FARP1: variants seen among roughly 807,000 people sequenced by gnomAD.
FARP1 encodes the protein FERM, ARHGEF and pleckstrin domain-containing protein 1.
Under a neutral mutation model 128.8 loss-of-function variants are expected in FARP1, and 52 were observed. That is an observed-to-expected ratio of 0.40 (90% CI 0.32 to 0.51). The LOEUF is 0.51. Among genes scored for constraint, FARP1 ranks in the 20% least tolerant of loss-of-function variants. The probability of loss-of-function intolerance (pLI) is 0.45; values close to 1 mark genes in which losing one functional copy is unlikely to be tolerated. For missense variants in FARP1, 1,333 were observed against 1,367.9 expected, an observed-to-expected ratio of 0.97 and a Z score of 0.40; for synonymous variants, 580 against 551.8, an observed-to-expected ratio of 1.05 and a Z score of -0.72.
At chr13:98,186,724 G>T (rs1190931393) in intron 1 of FARP1, among the ~76,000 whole-genome samples, 1 of 151,876 alleles carries the variant, frequency 6.6e-6, no homozygotes, top group East Asian at 1.9e-4. Context: ...GGGCGTGGTG[G>T]CTCACACCTG....
chr13:98,171,989 G>T (rs977635360), intron 1 of FARP1, among the ~76,000 whole-genome samples: 2 of 152,222 alleles, frequency 1.3e-5, no homozygotes, highest in African/African-American at 2.4e-5. Flanking sequence ...CTGGCTGCAG[G>T]TGTTGTGGCG....
chr13:98,256,985 A>G (rs1464211455), intron 2 of FARP1, among the ~76,000 whole-genome samples: 1 of 133,012 alleles, frequency 7.5e-6, no homozygotes, highest in African/African-American at 2.9e-5. Context: ...ATATATATAT[A>G]TATATACCGA....
chr13:98,365,359 A>C (rs753431618), intron 3 of FARP1, 36 bp from the exon 4 acceptor site: 1 of 1,537,132 alleles, frequency 6.5e-7, no homozygotes, highest in South Asian at 1.1e-5. Context: ...TTTCATTGAG[A>C]ACTTAGGTCT....
rs1355021425 is a variant in FARP1, at chr13:98,176,131, C to T, written c.-24+32639C>T. 1 of 1,588,078 alleles carries T rather than the reference C, an allele frequency of 6.3e-7. No homozygotes were observed. On this transcript the variant is annotated intron_variant, in intron 1 of 26. Coordinates refer to ENST00000319562, the MANE Select transcript of FARP1 (RefSeq NM_005766.4). The surrounding 1 kb of genome is among the most constrained non-coding windows in gnomAD (Gnocchi z 6.2). ...TCTCATCTTACTCAACAGGCTGCTT[C>T]TCCCCAGTGTACATACAGACTTGAG...
chr13:98,190,733 G>GTTTT (rs5806053), intron 1 of FARP1, among the ~76,000 whole-genome samples: 1 of 131,000 alleles, frequency 7.6e-6, no homozygotes, highest in African/African-American at 2.8e-5. Context: ...AGCTTTTTAA[G>GTTTT]TTTTTTTTTT....
intron 2 of FARP1, among the ~76,000 whole-genome samples, chr13:98,220,333 T>C (rs894206510): frequency 6.6e-6 from 1 of 152,228 alleles, no homozygotes; most frequent in Non-Finnish European, 1.5e-5. Context: ...TAAAATTTAA[T>C]TGGCCCTTTC....
At chr13:98,322,230 A>G (rs1887026409) in intron 2 of FARP1, among the ~76,000 whole-genome samples, 2 of 152,188 alleles carry the variant, frequency 1.3e-5, no homozygotes, top group African/African-American at 4.8e-5. Context: ...CCTGGGAGGC[A>G]GAGGTTGCAG....
At chr13:98,420,303 G>A (rs1424630154) in intron 16 of FARP1, among the ~76,000 whole-genome samples, 1 of 152,184 alleles carries the variant, frequency 6.6e-6, no homozygotes, top group African/African-American at 2.4e-5. Context: ...CATACAGGCT[G>A]TCCTTCTGCC....
chr13:98,167,347 TATGGCATG>T (rs1244944581), intron 1 of FARP1, among the ~76,000 whole-genome samples: 1 of 152,084 alleles, frequency 6.6e-6, no homozygotes, highest in Admixed American at 6.5e-5. Context: ...TTTTTTCCCT[TATGGCATG>T]TAGCATTTAG....
rs568595284 is a variant in FARP1 at position 98,188,475 on chromosome 13, C to T, written c.-23-24745C>T. Among the ~76,000 whole-genome samples, 4 of 152,072 alleles carry T rather than the reference C, an allele frequency of 2.6e-5. 1 individual carries two copies. Among genetic ancestry groups the T allele is most frequent in the Admixed American group, 1.3e-4 (2 of 15,280 alleles). On this transcript the variant is annotated intron_variant, in intron 1 of 26. Transcript: ENST00000319562. ...ACTCGGGAGGCTGAGGCAGGAGAAT[C>T]GCTTGAATCCTGGAGGTGGAGGTTG...
intron 1 of FARP1, among the ~76,000 whole-genome samples, chr13:98,190,191 T>C (rs1191111223): frequency 1.3e-5 from 2 of 152,222 alleles, no homozygotes; most frequent in Non-Finnish European, 2.9e-5. Flanking sequence ...TCATTTCCTT[T>C]AAAAATATTT....
At chr13:98,145,050 T>C (rs80040409) in intron 1 of FARP1, among the ~76,000 whole-genome samples, 4,102 of 152,320 alleles carry the variant, frequency 0.027, 194 homozygotes, top group African/African-American at 0.093. Flanking sequence ...TTTTAGAATG[T>C]CTGGCTAATA....
chr13:98,274,953 A>G (rs1486215245), intron 2 of FARP1, among the ~76,000 whole-genome samples: 3 of 152,170 alleles, frequency 2.0e-5, no homozygotes, highest in Admixed American at 6.6e-5. Context: ...CTATAACACT[A>G]TCTGTTTGTT....
At chr13:98,204,031 C>T (rs892127964) in intron 1 of FARP1, 1 of 152,252 alleles carries the variant, frequency 6.6e-6, no homozygotes, top group African/African-American at 2.4e-5. Context: ...TTCTGCCAAG[C>T]ACACAGTTTT....
chr13:98,355,518 C>G (rs1337864067), intron 3 of FARP1, among the ~76,000 whole-genome samples: 1 of 152,138 alleles, frequency 6.6e-6, no homozygotes, highest in African/African-American at 2.4e-5. Context: ...GCTAGGAATG[C>G]ACATTCTCAG....
In FARP1 at chr13:98,449,345, TC is replaced by T. The variant is rs570881541; in HGVS notation, c.*1034del. On this transcript the variant is annotated 3_prime_UTR_variant, in exon 27 of 27. Coordinates refer to ENST00000319562, the MANE Select transcript of FARP1 (RefSeq NM_005766.4). ...AAAACATTTCCCTTTTTATACTCAT[TC>T]CCCCCAGGCATGGGGTAGTGTCAGT... The T allele has an allele frequency of 1.1e-3, 164 of 152,066 alleles. No homozygotes were observed. Among genetic ancestry groups the T allele is most frequent in the African/African-American group, 3.9e-3 (160 of 41,464 alleles). The allele number at this position is 152,066 out of a possible 1,614,324, so 9.4% of individuals were successfully genotyped here. A position where few individuals can be genotyped will look rare whatever the true frequency, so the allele number is the denominator to read the frequency against.
chr13:98,395,563 A>G, intron 13 of FARP1, 87 bp downstream of exon 13: 1 of 1,451,072 alleles, frequency 6.9e-7, no homozygotes, highest in Non-Finnish European at 9.2e-7. Context: ...CGACCTTCTT[A>G]GAGAACAAGC....
Position 98,414,410 on chromosome 13 carries a change from T to A in FARP1, c.1826+2376T>A, listed in dbSNP as rs9556949. ...AGGGGCTGCAGTGAAGTTAAGCTAA[T>A]CAATTACTCAAGAACATGATGAGGA... is the stretch of plus-strand genomic sequence containing the variant. On this transcript the variant is annotated intron_variant, in intron 16 of 26. Transcript: ENST00000319562. Among the ~76,000 whole-genome samples, 11 of 152,272 alleles carry A rather than the reference T, an allele frequency of 7.2e-5. No individual in the cohort carries two copies. In the East Asian group the frequency reaches 2.1e-3, roughly 29 times the overall value.
chr13:98,271,183 A>T (rs1439431561), intron 2 of FARP1, among the ~76,000 whole-genome samples: 2 of 152,216 alleles, frequency 1.3e-5, no homozygotes, highest in Non-Finnish European at 2.9e-5. Context: ...TGGCTTAGAC[A>T]CTACGCTAGT....
Sources: allele counts gnomAD v4.1 joint callset (sites outside exome capture counted in the v4.1 genomes callset), GRCh38; gene constraint gnomAD v4.1.1; non-coding constraint Gnocchi (gnomAD v3.1); transcripts MANE v1.5; gene names NCBI Gene and HGNC (gene_info 2026-07-23, HGNC 2026-07-21).